Variants in CNTNAP2 observed in about 807,000 individuals in gnomAD.
CNTNAP2 encodes the protein contactin associated protein 2, also known as contactin-associated protein-like 2.
In CNTNAP2, 98 loss-of-function variants were observed where a neutral mutation model predicts 155.2. The ratio of observed to expected loss-of-function variants is 0.63; its 90% CI spans 0.54 to 0.75. The LOEUF (loss-of-function observed/expected upper bound fraction) is 0.75, where lower values mean the gene tolerates loss of function less well. CNTNAP2 is among the 30% of genes least tolerant of loss of function. The probability of loss-of-function intolerance (pLI) is 0.00; values close to 1 mark genes in which losing one functional copy is unlikely to be tolerated. For synonymous variants in CNTNAP2, 651 were observed against 631.2 expected (o/e 1.03, Z -0.47); for missense variants, 1,727 against 1,688.1 (o/e 1.02, Z -0.40).
rs1452124456 is a variant in CNTNAP2, at chr7:147,131,432, A to G, written c.1084-813A>G. On this transcript the variant is annotated intron_variant, in intron 7 of 23. Transcript: ENST00000361727. ...AGAGAATGTAGTTAGGCACTGAAAT[A>G]TACAATTTAGTGTATCTGAATGATA... Among the ~76,000 whole-genome samples, 6 of 152,148 alleles carry G rather than the reference A, an allele frequency of 3.9e-5. No homozygotes were observed. The East Asian group carries it at 1.2e-3, about 29-fold the overall frequency.
rs200994674 is a variant in CNTNAP2, at chr7:148,149,335, TA to T, written c.2773+1628del. Among the ~76,000 whole-genome samples, 167 of 152,098 alleles carry T rather than the reference TA, an allele frequency of 1.1e-3. 3 individuals carry two copies. In the East Asian group the frequency reaches 0.025, roughly 23 times the overall value. ...TCACTTAAAGAAGGTGACCCAATAA[TA>T]ACTTAAGAAAAGAGCAAGGGCCTGA... On this transcript the variant is annotated intron_variant, in intron 17 of 23. Transcript: ENST00000361727.
chr7:147,804,559 T>A (rs113001109), intron 13 of CNTNAP2, among the ~76,000 whole-genome samples: 76 of 150,952 alleles, frequency 5.0e-4, no homozygotes, highest in Middle Eastern at 3.4e-3. Flanking sequence ...TTTTTGTTTG[T>A]TTGTTTTATT....
At chr7:147,479,529 A>G (rs1798384570) in intron 10 of CNTNAP2, among the ~76,000 whole-genome samples, 1 of 152,214 alleles carries the variant, frequency 6.6e-6, no homozygotes, top group African/African-American at 2.4e-5. Context: ...CCTGTGGGCC[A>G]GCAATCTTTC....
intron 1 of CNTNAP2, among the ~76,000 whole-genome samples, chr7:146,400,511 G>T (rs1212490166): frequency 6.6e-6 from 1 of 152,208 alleles, no homozygotes; most frequent in Non-Finnish European, 1.5e-5. Flanking sequence ...CACATAACTA[G>T]ACAGTGAAAG....
intron 1 of CNTNAP2, among the ~76,000 whole-genome samples, chr7:146,724,373 T>G (rs1460982336): frequency 6.6e-6 from 1 of 151,996 alleles, no homozygotes; most frequent in African/African-American, 2.4e-5. Context: ...TTCCTGTATT[T>G]TGAATGAGGA....
chr7:146,648,460 A>G (rs929412244), intron 1 of CNTNAP2, among the ~76,000 whole-genome samples: 7 of 152,258 alleles, frequency 4.6e-5, no homozygotes, highest in African/African-American at 1.7e-4. Flanking sequence ...AAGTCTACAA[A>G]CCAGATTTTT....
chr7:146,882,508 C>T (rs1168690492), intron 3 of CNTNAP2, among the ~76,000 whole-genome samples: 2 of 151,870 alleles, frequency 1.3e-5, no homozygotes, highest in Non-Finnish European at 2.9e-5. Context: ...AGGCCTTTCC[C>T]CCCTCTTCAC....
chr7:147,370,070 T>C (rs1796315704), intron 9 of CNTNAP2, among the ~76,000 whole-genome samples: 1 of 152,192 alleles, frequency 6.6e-6, no homozygotes, highest in Non-Finnish European at 1.5e-5. Context: ...ATCTTCCGTA[T>C]TTCCTACATG....
At chr7:147,389,791 C>G (rs112613222) in intron 9 of CNTNAP2, among the ~76,000 whole-genome samples, 2,447 of 152,192 alleles carry the variant, frequency 0.016, 56 homozygotes, top group African/African-American at 0.056. Flanking sequence ...TTACAATGAC[C>G]CATGTATAGA....
chr7:147,881,166 G>T (rs1205455999), intron 13 of CNTNAP2, among the ~76,000 whole-genome samples: 1 of 152,168 alleles, frequency 6.6e-6, no homozygotes, highest in African/African-American at 2.4e-5. Context: ...TGAAAAGGAA[G>T]TTCCTGAGAG....
chr7:146,936,616 C>A (rs1247271663), intron 3 of CNTNAP2, among the ~76,000 whole-genome samples: 1 of 152,194 alleles, frequency 6.6e-6, no homozygotes, highest in Non-Finnish European at 1.5e-5. Context: ...TGTGGATGAA[C>A]CATAACCTAA....
chr7:146,472,725 A>G (rs899328083), intron 1 of CNTNAP2, among the ~76,000 whole-genome samples: 81 of 151,958 alleles, frequency 5.3e-4, no homozygotes, highest in African/African-American at 1.9e-3. Context: ...CAAGATTTGA[A>G]TATATTTTCC....
intron 22 of CNTNAP2, among the ~76,000 whole-genome samples, chr7:148,391,505 T>A (rs1036196757): frequency 7.7e-6 from 1 of 129,442 alleles, no homozygotes; most frequent in African/African-American, 3.9e-5. Context: ...TTCTAGTTAT[T>A]TCCCTCTTTG....
At position 148,224,531 on chromosome 7, in the gene CNTNAP2, A is replaced by G. The variant is rs749738996; in HGVS notation, c.3248-5115A>G. Among the ~76,000 whole-genome samples the G allele has an allele frequency of 2.0e-5, 3 of 152,364 alleles. No homozygotes were observed. The East Asian group carries it at 5.8e-4, about 29-fold the overall frequency. On this transcript the variant is annotated intron_variant, in intron 19 of 23. Transcript: ENST00000361727. The stretch of plus-strand genomic sequence containing the variant: ...AATGCACATCAGACAGGGCATTGCA[A>G]CCGCTATTTGGAAAGTACATCTTTA...
intron 13 of CNTNAP2, among the ~76,000 whole-genome samples, chr7:147,869,922 G>A (rs372306296): frequency 1.3e-5 from 2 of 152,092 alleles, no homozygotes; most frequent in South Asian, 2.1e-4. Flanking sequence ...AGATCATCCA[G>A]TAAGTATGTA....
At chr7:147,550,599 T>C (rs1799832845) in intron 11 of CNTNAP2, among the ~76,000 whole-genome samples, 3 of 152,090 alleles carry the variant, frequency 2.0e-5, no homozygotes, top group Admixed American at 2.0e-4. Context: ...TGGAAGAAAG[T>C]CTCAAACTGA....
At chr7:148,310,650 T>C (rs181581301) in intron 21 of CNTNAP2, among the ~76,000 whole-genome samples, 66 of 152,188 alleles carry the variant, frequency 4.3e-4, no homozygotes, top group African/African-American at 1.6e-3. Flanking sequence ...TAAGGAAGAC[T>C]AGTGTGCATG....
chr7:148,123,667 G>T (rs1038895687), intron 16 of CNTNAP2, among the ~76,000 whole-genome samples: 21 of 143,508 alleles, frequency 1.5e-4, no homozygotes, highest in East Asian at 1.4e-3. Flanking sequence ...AAGGAAGGAA[G>T]GAAGGAAGGA....
intron 13 of CNTNAP2, among the ~76,000 whole-genome samples, chr7:147,898,708 C>T (rs1278451032): frequency 3.9e-5 from 6 of 151,932 alleles, no homozygotes; most frequent in African/African-American, 1.2e-4. Flanking sequence ...TTAGTAGAGA[C>T]GGGGTTTCAC....
Sources: gnomAD v4.1 joint callset for allele counts (sites outside exome capture counted in the v4.1 genomes callset) on GRCh38, gnomAD v4.1.1 for gene constraint, MANE v1.5 for transcripts, NCBI Gene and HGNC (gene_info 2026-07-23, HGNC 2026-07-21) for gene names.